The following CHAF1B variants were observed in gnomAD, a reference collection of about 807,000 sequenced individuals.
The protein encoded by CHAF1B is CAF-1 subunit B.
Under a neutral mutation model 60.7 loss-of-function variants are expected in CHAF1B, and 10 were observed. That is an observed-to-expected ratio of 0.16 (90% CI 0.10 to 0.28). CHAF1B has a LOEUF of 0.28. Ranked by LOEUF, CHAF1B falls within the 10% of genes least tolerant of loss-of-function variation. The probability of loss-of-function intolerance (pLI) is 1.00; values close to 1 mark genes in which losing one functional copy is unlikely to be tolerated. For synonymous variants in CHAF1B, 261 were observed against 266.1 expected, an observed-to-expected ratio of 0.98 and a Z score of 0.19; for missense variants, 558 against 708.4, an observed-to-expected ratio of 0.79 and a Z score of 2.41.
intron 7 of CHAF1B, 34 bp downstream of exon 7, chr21:36,399,639 G>T: frequency 1.3e-6 from 2 of 1,560,520 alleles, no homozygotes; most frequent in Non-Finnish European, 1.8e-6. Context: ...TTTCAGCAGC[G>T]CTTTAACTGA....
intron 4 of CHAF1B, among the ~76,000 whole-genome samples, chr21:36,392,751 C>G (rs2146362577): frequency 6.6e-6 from 1 of 152,154 alleles, no homozygotes; most frequent in South Asian, 2.1e-4. Flanking sequence ...CAGAGGCGCT[C>G]CCCACATCTC....
chr21:36,413,982 A>T (rs1242282891), intron 12 of CHAF1B, among the ~76,000 whole-genome samples: 2 of 152,156 alleles, frequency 1.3e-5, no homozygotes, highest in Non-Finnish European at 2.9e-5. Context: ...CTGGTCGGTG[A>T]GAAACGGAGG....
Position 36,412,705 on chromosome 21 carries a change from C to T in CHAF1B, c.1062-179C>T. 3 of 633,314 alleles carry T rather than the reference C, an allele frequency of 4.7e-6. No homozygotes were observed. In the South Asian group the frequency reaches 6.0e-5, roughly 13 times the overall value. The allele number at this position is 633,314 out of a possible 1,614,324, so 39.2% of individuals were successfully genotyped here. On this transcript the variant is annotated intron_variant, in intron 11 of 13. Transcript: ENST00000314103. The stretch of plus-strand genomic sequence containing the variant: ...TAGTAGCACAGATAGGTTGCAGCGA[C>T]TTAGCAAATCGCGATGAAACTGCAT...
intron 8 of CHAF1B, among the ~76,000 whole-genome samples, chr21:36,403,503 T>G (rs576810369): frequency 6.6e-6 from 1 of 151,360 alleles, no homozygotes; most frequent in Non-Finnish European, 1.5e-5. Flanking sequence ...TTTAAACCCT[T>G]TCAATGAATG....
intron 11 of CHAF1B, 104 bp downstream of exon 11, chr21:36,411,708 G>A (rs1223594995): frequency 7.5e-7 from 1 of 1,325,562 alleles, no homozygotes; most frequent in East Asian, 2.4e-5. Context: ...ATGGCTTTGG[G>A]GGACATATTC....
chr21:36,411,633 G>A (rs1010621490), intron 11 of CHAF1B, 29 bp downstream of exon 11: 10 of 1,612,262 alleles, frequency 6.2e-6, no homozygotes, highest in Non-Finnish European at 8.5e-6. Flanking sequence ...GGGAGAGTGA[G>A]TGAAGGAGAC....
At chr21:36,414,024 G>A (rs1362948768) in intron 12 of CHAF1B, among the ~76,000 whole-genome samples, 1 of 152,186 alleles carries the variant, frequency 6.6e-6, no homozygotes, top group Non-Finnish European at 1.5e-5. Flanking sequence ...TCCCCAGGAG[G>A]TGCAGAGTCG....
intron 11 of CHAF1B, among the ~76,000 whole-genome samples, chr21:36,411,980 A>G (rs1426434983): frequency 1.3e-5 from 2 of 151,976 alleles, no homozygotes; most frequent in African/African-American, 2.4e-5. Flanking sequence ...CTCCTGCCCC[A>G]GCCTCCCAAA....
intron 5 of CHAF1B, among the ~76,000 whole-genome samples, chr21:36,395,075 C>T (rs972666761): frequency 1.3e-4 from 19 of 150,598 alleles, no homozygotes; most frequent in African/African-American, 2.4e-4. Flanking sequence ...TTTTTGGAGA[C>T]GGAGTTTCGC....
chr21:36,412,507 C>T (rs2086285899), intron 11 of CHAF1B, among the ~76,000 whole-genome samples: 1 of 152,038 alleles, frequency 6.6e-6, no homozygotes, highest in South Asian at 2.1e-4. Context: ...TTACAGGCGC[C>T]CACCACCATG....
intron 3 of CHAF1B, among the ~76,000 whole-genome samples, chr21:36,389,411 GC>G (rs1388700157): frequency 1.3e-5 from 2 of 152,040 alleles, no homozygotes; most frequent in African/African-American, 4.8e-5. Context: ...TTTGAGATCA[GC>G]CTGGCCAATA....
chr21:36,399,744 ACAGT>A, intron 7 of CHAF1B, 139 bp downstream of exon 7: 1 of 692,902 alleles, frequency 1.4e-6, no homozygotes, highest in South Asian at 1.8e-5. Flanking sequence ...TTCCTTTTGG[ACAGT>A]CAAGGCTCAG....
chr21:36,414,916 C>T (rs557260022), intron 12 of CHAF1B, among the ~76,000 whole-genome samples: 178 of 152,230 alleles, frequency 1.2e-3, no homozygotes, highest in African/African-American at 3.6e-3. Context: ...CCCGGCCCAA[C>T]GCTCTGGATT....
chr21:36,387,080 G>A (rs2086040828), intron 2 of CHAF1B, among the ~76,000 whole-genome samples: 1 of 152,116 alleles, frequency 6.6e-6, no homozygotes, highest in Admixed American at 6.5e-5. Context: ...TTGGGATCCT[G>A]ATCCTGGTTC....
chr21:36,400,996 G>A (rs150451153), intron 7 of CHAF1B, among the ~76,000 whole-genome samples: 17 of 152,068 alleles, frequency 1.1e-4, no homozygotes, highest in African/African-American at 3.9e-4. Flanking sequence ...TCCCGGGTGC[G>A]GTGGCTCAGC....
At chr21:36,387,219 G>GTTTTTTTTTTTTTTTTTTTTTTTTTTT (rs1471540790) in intron 2 of CHAF1B, among the ~76,000 whole-genome samples, 2 of 141,316 alleles carry the variant, frequency 1.4e-5, no homozygotes, top group African/African-American at 2.7e-5. Flanking sequence ...AATAAGCATA[G>GTTTTTTTTTTTTTTTTTTTTTTTTTTT]TTTTGTTTTT....
chr21:36,389,302 A>T (rs1206363484), intron 3 of CHAF1B, among the ~76,000 whole-genome samples: 1 of 152,134 alleles, frequency 6.6e-6, no homozygotes, highest in Admixed American at 6.6e-5. Flanking sequence ...GGATAAAACT[A>T]TATGGAAAAA....
chr21:36,394,518 CT>C, intron 4 of CHAF1B, 28 bp from the exon 5 acceptor site: 1 of 1,539,278 alleles, frequency 6.5e-7, no homozygotes, highest in Middle Eastern at 1.8e-4. Flanking sequence ...GGAGTAATTG[CT>C]TTTTTCCTCT....
chr21:36,415,486 T>C (rs1233005029), intron 13 of CHAF1B, 97 bp downstream of exon 13: 1 of 880,014 alleles, frequency 1.1e-6, no homozygotes, highest in African/African-American at 1.7e-5. Flanking sequence ...AAGTCAGTTC[T>C]GAGACAGCAG....
Sources: allele counts gnomAD v4.1 joint callset (sites outside exome capture counted in the v4.1 genomes callset), GRCh38; gene constraint gnomAD v4.1.1; transcripts MANE v1.5; gene names NCBI Gene and HGNC (gene_info 2026-07-23, HGNC 2026-07-21).